The following SCAPER variants were observed in gnomAD, a reference collection of about 807,000 sequenced individuals.
SCAPER encodes the protein S phase cyclin A-associated protein in the endoplasmic reticulum.
A neutral mutation model predicts 182.2 loss-of-function variants in SCAPER; 98 were observed. The ratio of observed to expected loss-of-function variants is 0.54; its 90% confidence interval spans 0.46 to 0.64. The LOEUF (loss-of-function observed/expected upper bound fraction) is 0.64. Among genes scored for constraint, SCAPER ranks in the 30% least tolerant of loss-of-function variants. The pLI is 0.00. For missense variants in SCAPER, 1,432 were observed against 1,690.0 expected (o/e 0.85, Z 2.68); for synonymous variants, 605 against 564.6 (o/e 1.07, Z -1.01).
intron 23 of SCAPER, among the ~76,000 whole-genome samples, chr15:76,557,122 T>C (rs1373130415): frequency 6.6e-6 from 1 of 152,056 alleles, no homozygotes; most frequent in Non-Finnish European, 1.5e-5. Context: ...ACACAAACAA[T>C]GGAAGAACAT....
intron 21 of SCAPER, among the ~76,000 whole-genome samples, chr15:76,627,034 T>C (rs1277025370): frequency 6.6e-6 from 1 of 152,206 alleles, no homozygotes; most frequent in Admixed American, 6.5e-5. Context: ...TATAATCTGA[T>C]GATTTGGTTT....
chr15:76,676,467 C>T (rs2057375828), intron 20 of SCAPER, among the ~76,000 whole-genome samples: 1 of 152,090 alleles, frequency 6.6e-6, no homozygotes, highest in African/African-American at 2.4e-5. Flanking sequence ...TCTTATACCC[C>T]AGTCTACCTA....
At chr15:76,562,148 C>CAAAAAA (rs66722088) in intron 23 of SCAPER, among the ~76,000 whole-genome samples, 34 of 73,966 alleles carry the variant, frequency 4.6e-4, no homozygotes, top group South Asian at 1.4e-3. Flanking sequence ...AACTTCATCT[C>CAAAAAA]AAAAAAAAAA....
intron 23 of SCAPER, among the ~76,000 whole-genome samples, chr15:76,535,521 CAAAAAAAAAA>C (rs56660301): frequency 8.8e-4 from 41 of 46,638 alleles, no homozygotes; most frequent in African/African-American, 2.6e-3. Context: ...GACTCTGTCT[CAAAAAAAAAA>C]AAAAAAAAAA....
At chr15:76,532,439 T>G (rs1471923963) in intron 23 of SCAPER, among the ~76,000 whole-genome samples, 1 of 150,886 alleles carries the variant, frequency 6.6e-6, no homozygotes, top group African/African-American at 2.4e-5. Context: ...CGAGCTCAAA[T>G]GATCCTCGTG....
intron 24 of SCAPER, among the ~76,000 whole-genome samples, chr15:76,474,990 C>T (rs2050506694): frequency 6.6e-6 from 1 of 152,136 alleles, no homozygotes; most frequent in African/African-American, 2.4e-5. Flanking sequence ...GTTGGAGGTT[C>T]TATCTAGCAA....
At chr15:76,870,185 A>G (rs2072602302) in intron 2 of SCAPER, among the ~76,000 whole-genome samples, 1 of 152,186 alleles carries the variant, frequency 6.6e-6, no homozygotes. Flanking sequence ...TGTTAGATAG[A>G]TCAGAGGGGT....
chr15:76,706,288 T>C (rs2059259740), intron 17 of SCAPER, among the ~76,000 whole-genome samples: 3 of 151,998 alleles, frequency 2.0e-5, no homozygotes, highest in Admixed American at 2.0e-4. Flanking sequence ...TTCCAAAAAC[T>C]CAATTAAACC....
intron 3 of SCAPER, among the ~76,000 whole-genome samples, chr15:76,858,695 T>C (rs1017927467): frequency 6.6e-6 from 1 of 152,192 alleles, no homozygotes; most frequent in African/African-American, 2.4e-5. Flanking sequence ...AATGTTTAGT[T>C]CCCACTTATA....
rs546690484 is a variant in SCAPER at position 76,348,061 on chromosome 15, G to A, written c.*572C>T. Reference sequence around the variant, plus strand: ...ATGCCAAGAGAGGATTATCTGCTAGGAGAGTTCGGGCAGACCAATGAATAC... The same window carrying A: ...ATGCCAAGAGAGGATTATCTGCTAGAAGAGTTCGGGCAGACCAATGAATAC... On this transcript the variant is annotated 3_prime_UTR_variant, in exon 32 of 32. Transcript: ENST00000563290. 1 of 152,238 alleles carries A rather than the reference G, an allele frequency of 6.6e-6. No individual in the cohort carries two copies. The highest frequency in any genetic ancestry group is 1.5e-5 in the Non-Finnish European group (1 of 68,062). 9.4% of individuals were successfully genotyped at this position (152,238 alleles called of 1,614,324 possible).
intron 21 of SCAPER, among the ~76,000 whole-genome samples, chr15:76,657,588 C>CAAAAAAA (rs35243291): frequency 3.1e-5 from 4 of 129,800 alleles, no homozygotes; most frequent in Admixed American, 1.5e-4. Context: ...GACACAACAA[C>CAAAAAAA]AAAAAAAAAA....
At chr15:76,421,170 G>A (rs1315113532) in intron 26 of SCAPER, among the ~76,000 whole-genome samples, 1 of 152,186 alleles carries the variant, frequency 6.6e-6, no homozygotes, top group Non-Finnish European at 1.5e-5. Flanking sequence ...GGTATTTCTA[G>A]TTCTAGATCC....
At chr15:76,696,904 T>G (rs1003721070) in intron 20 of SCAPER, among the ~76,000 whole-genome samples, 3 of 152,096 alleles carry the variant, frequency 2.0e-5, no homozygotes, top group Non-Finnish European at 4.4e-5. Flanking sequence ...CAAGAAACAG[T>G]AGAAAAATGT....
chr15:76,799,287 ATTTTTTT>A (rs11395127), intron 7 of SCAPER, among the ~76,000 whole-genome samples: 1 of 140,482 alleles, frequency 7.1e-6, no homozygotes, highest in Non-Finnish European at 1.5e-5. Context: ...ATCTCCTGGA[ATTTTTTT>A]TTTTTTTTTG....
intron 26 of SCAPER, among the ~76,000 whole-genome samples, chr15:76,416,212 C>G (rs778468215): frequency 6.6e-6 from 1 of 151,886 alleles, no homozygotes; most frequent in Non-Finnish European, 1.5e-5. Flanking sequence ...CGGTGGCTCA[C>G]GCCTGTAATC....
intron 5 of SCAPER, among the ~76,000 whole-genome samples, chr15:76,812,359 T>C (rs1471572543): frequency 6.7e-6 from 1 of 150,180 alleles, no homozygotes; most frequent in Non-Finnish European, 1.5e-5. Flanking sequence ...CATGGTGGCA[T>C]GCGCCTGTAA....
intron 4 of SCAPER, chr15:76,855,698 G>A (rs868284227): frequency 8.8e-5 from 17 of 193,718 alleles, no homozygotes; most frequent in Admixed American, 5.2e-4. Flanking sequence ...TCAGAGAAAC[G>A]CAAGTCAAAA....
chr15:76,401,718 T>C (rs867737822), intron 27 of SCAPER, among the ~76,000 whole-genome samples: 38 of 152,326 alleles, frequency 2.5e-4, no homozygotes, highest in African/African-American at 7.5e-4. Context: ...AACTCTTGTA[T>C]GTCCGTATCT....
intron 22 of SCAPER, among the ~76,000 whole-genome samples, chr15:76,584,375 C>A (rs1248297147): frequency 6.6e-6 from 1 of 152,126 alleles, no homozygotes; most frequent in Non-Finnish European, 1.5e-5. Flanking sequence ...CTACAGTCAA[C>A]AATTTATTGT....
Sources: gnomAD v4.1 joint callset for allele counts (sites outside exome capture counted in the v4.1 genomes callset) on GRCh38, gnomAD v4.1.1 for gene constraint, MANE v1.5 for transcripts, NCBI Gene and HGNC (gene_info 2026-07-23, HGNC 2026-07-21) for gene names.